IFT43: variants seen among roughly 807,000 people sequenced by gnomAD.
IFT43 encodes the protein intraflagellar transport 43.
IFT43 carries 33 observed loss-of-function variants against 32.3 expected under a neutral mutation model. The observed-to-expected ratio is 1.02, with a 90% CI of 0.77 to 1.37. The LOEUF (loss-of-function observed/expected upper bound fraction) is 1.37. IFT43 is among the 40% of genes most tolerant of loss of function. The probability of loss-of-function intolerance (pLI) is 0.00; values close to 1 mark genes in which losing one functional copy is unlikely to be tolerated. For missense variants in IFT43, 274 were observed against 265.9 expected (o/e 1.03, Z -0.21); for synonymous variants, 93 against 98.2 (o/e 0.95, Z 0.31).
chr14:76,014,590 G>C (rs2036147557), intron 2 of IFT43, among the ~76,000 whole-genome samples: 1 of 152,138 alleles, frequency 6.6e-6, no homozygotes. Context: ...GGATCTGGTT[G>C]CTTCTGGAAT....
intron 3 of IFT43, among the ~76,000 whole-genome samples, chr14:76,037,729 T>TG (rs1046891381): frequency 1.3e-5 from 2 of 151,394 alleles, no homozygotes; most frequent in African/African-American, 2.4e-5. Flanking sequence ...GATTAAGAGC[T>TG]GCAGCTGCCT....
intron 2 of IFT43, among the ~76,000 whole-genome samples, chr14:75,989,753 C>A (rs575369926): frequency 1.3e-5 from 2 of 152,266 alleles, no homozygotes; most frequent in African/African-American, 4.8e-5. Context: ...TCCCAGACAG[C>A]AGGAAACCTG....
chr14:76,077,995 G>A (rs908589323), intron 5 of IFT43, among the ~76,000 whole-genome samples: 3 of 152,188 alleles, frequency 2.0e-5, no homozygotes, highest in Non-Finnish European at 4.4e-5. Flanking sequence ...TAGATTAAAT[G>A]CATTGTGGAG....
chr14:76,027,445 G>A (rs184452933), intron 3 of IFT43, among the ~76,000 whole-genome samples: 16 of 152,028 alleles, frequency 1.1e-4, no homozygotes, highest in East Asian at 1.9e-4. Flanking sequence ...ATTCTCGGCC[G>A]GGCGCAGTGG....
At chr14:76,017,453 G>A (rs376726187) in intron 2 of IFT43, among the ~76,000 whole-genome samples, 2 of 152,176 alleles carry the variant, frequency 1.3e-5, no homozygotes, top group African/African-American at 4.8e-5. Flanking sequence ...CAGTTTGCTC[G>A]TATTTTGTTG....
At chr14:75,999,224 A>ATT (rs1214019132) in intron 2 of IFT43, among the ~76,000 whole-genome samples, 6 of 115,022 alleles carry the variant, frequency 5.2e-5, no homozygotes, top group South Asian at 2.8e-4. Flanking sequence ...ATATAAATTC[A>ATT]TTTTATATAT....
intron 1 of IFT43, 49 bp from the exon 2 acceptor site, chr14:75,988,836 T>C (rs770057797): frequency 6.2e-7 from 1 of 1,612,656 alleles, no homozygotes; most frequent in South Asian, 1.1e-5. Context: ...ATCTCAGTAG[T>C]GGCCCAAATG....
chr14:76,047,748 T>G (rs1418038121), intron 3 of IFT43, among the ~76,000 whole-genome samples: 1 of 151,440 alleles, frequency 6.6e-6, no homozygotes, highest in Non-Finnish European at 1.5e-5. Context: ...TTTTTTTTTT[T>G]GTCATTGCAG....
At chr14:75,988,527 G>A (rs202022221) in intron 1 of IFT43, among the ~76,000 whole-genome samples, 1 of 147,428 alleles carries the variant, frequency 6.8e-6, no homozygotes, top group South Asian at 2.2e-4. Flanking sequence ...CTTTTTTTTT[G>A]TTTTGTTTTG....
chr14:76,034,850 G>A lies in IFT43; in HGVS notation c.215+12456G>A, dbSNP rs79772145. On this transcript the variant is annotated intron_variant, in intron 3 of 8. Transcript: ENST00000314067. Reference sequence around the variant, plus strand: ...GCGTCAGAGTCATAGCTATGCCAGAGATTCCATCTTGGAGCTGTCCTTGGC... The same window carrying A: ...GCGTCAGAGTCATAGCTATGCCAGAAATTCCATCTTGGAGCTGTCCTTGGC... Among the ~76,000 whole-genome samples the A allele has an allele frequency of 3.7e-3, 559 of 152,368 alleles. 1 individual carries two copies. The highest frequency in any genetic ancestry group is 0.011 in the African/African-American group (456 of 41,582).
At chr14:76,031,667 G>A (rs996612792) in intron 3 of IFT43, among the ~76,000 whole-genome samples, 10 of 152,194 alleles carry the variant, frequency 6.6e-5, no homozygotes, top group Non-Finnish European at 1.3e-4. Flanking sequence ...ATTATCACAA[G>A]TATTCATTCC....
intron 3 of IFT43, among the ~76,000 whole-genome samples, chr14:76,054,112 C>T (rs1346854144): frequency 6.6e-6 from 1 of 152,196 alleles, no homozygotes; most frequent in Non-Finnish European, 1.5e-5. Flanking sequence ...AGGCTTAGGG[C>T]AGGGAGTCTT....
intron 3 of IFT43, among the ~76,000 whole-genome samples, chr14:76,024,142 G>A (rs2036345679): frequency 6.6e-6 from 1 of 152,196 alleles, no homozygotes; most frequent in African/African-American, 2.4e-5. Context: ...TATCCCCTTG[G>A]ATTTCTGCCA....
chr14:76,009,257 G>A (rs1361724536), intron 2 of IFT43, among the ~76,000 whole-genome samples: 1 of 152,198 alleles, frequency 6.6e-6, no homozygotes, highest in Non-Finnish European at 1.5e-5. Context: ...TTTACAAATA[G>A]TATGATTTTT....
Position 75,988,922 on chromosome 14 carries a change from C to T in IFT43, c.92C>T (p.Ala31Val), listed in dbSNP as rs147933112. 115 of 1,613,728 alleles carry T rather than the reference C, an allele frequency of 7.1e-5. No homozygotes were observed. In the African/African-American group the frequency reaches 9.0e-4, roughly 13 times the overall value. Residue 31 changes from alanine (A) to valine (V), a missense_variant, in exon 2 of 9, where the codon GCG (alanine) becomes GTG (valine). Coordinates refer to ENST00000314067, the MANE Select transcript of IFT43 (RefSeq NM_001102564.3). ...KMGRRAQQES[A>V]QAENHLNGKN... Reference sequence around the variant, plus strand: ...GGTCGCCGAGCTCAACAGGAGTCAGCGCAGGCCGAGAATCACCTCAATGGC... The same window carrying T: ...GGTCGCCGAGCTCAACAGGAGTCAGTGCAGGCCGAGAATCACCTCAATGGC...
chr14:76,013,222 C>T (rs1314441256), intron 2 of IFT43, among the ~76,000 whole-genome samples: 1 of 152,192 alleles, frequency 6.6e-6, no homozygotes, highest in Non-Finnish European at 1.5e-5. Context: ...AGACTCATAA[C>T]ATTTGAAGAA....
chr14:76,059,419 C>T (rs768630697), intron 5 of IFT43, 46 bp downstream of exon 5: 4 of 1,572,030 alleles, frequency 2.5e-6, no homozygotes, highest in East Asian at 4.5e-5. Context: ...AGAGAGGCCC[C>T]AGAACATTTC....
chr14:76,028,463 T>A (rs1566715036), intron 3 of IFT43, among the ~76,000 whole-genome samples: 2 of 152,182 alleles, frequency 1.3e-5, no homozygotes, highest in South Asian at 2.1e-4. Context: ...TCATGGATTT[T>A]AAAAAAATCT....
At chr14:76,020,160 A>G (rs111717245) in intron 2 of IFT43, among the ~76,000 whole-genome samples, 19 of 152,236 alleles carry the variant, frequency 1.2e-4, no homozygotes, top group Non-Finnish European at 2.8e-4. Context: ...TTTTTAGTAT[A>G]GATGGGGTTT....
Sources: allele counts gnomAD v4.1 joint callset (sites outside exome capture counted in the v4.1 genomes callset), GRCh38; gene constraint gnomAD v4.1.1; transcripts MANE v1.5; gene names NCBI Gene and HGNC (gene_info 2026-07-23, HGNC 2026-07-21).